Variants in LAMB3 observed in about 807,000 individuals in gnomAD.
The protein encoded by LAMB3 is laminin subunit beta 3.
A neutral mutation model predicts 140.3 loss-of-function variants in LAMB3; 104 were observed. That is an observed-to-expected ratio of 0.74 (90% CI 0.63 to 0.87). LAMB3 has a LOEUF of 0.87. LAMB3 is among the 40% of genes least tolerant of loss of function. The probability of loss-of-function intolerance (pLI) is 0.00; values close to 1 mark genes in which losing one functional copy is unlikely to be tolerated. For synonymous variants in LAMB3, 592 were observed against 602.9 expected (o/e 0.98, Z 0.26); for missense variants, 1,531 against 1,575.2 (o/e 0.97, Z 0.47).
intron 6 of LAMB3, among the ~76,000 whole-genome samples, chr1:209,633,550 C>T (rs909899741): frequency 7.4e-5 from 11 of 148,446 alleles, no homozygotes; most frequent in Non-Finnish European, 1.5e-4. Context: ...TTCAACTATG[C>T]TTTGATTTAT....
Position 209,625,740 on chromosome 1 carries a change from C to A in LAMB3, c.1884G>T (p.Lys628Asn), listed in dbSNP as rs770992053. ...CTGCTCGGATCTGCTCAATCTTACT[C>A]TTTGCATCTAGGATCCGGGAGGCCA... Reference protein sequence around the residue: ...RGLASRILDAKSKIEQIRAVL... With the variant: ...RGLASRILDANSKIEQIRAVL... Residue 628 changes from lysine to asparagine, a missense_variant, in exon 14 of 23, where the codon AAG becomes AAT. Transcript: ENST00000356082. The A allele has an allele frequency of 2.5e-6, 4 of 1,614,170 alleles. No individual in the cohort carries two copies. In the Admixed American group the frequency reaches 6.7e-5, roughly 27 times the overall value.
intron 3 of LAMB3, among the ~76,000 whole-genome samples, chr1:209,644,964 A>C (rs1352812197): frequency 6.6e-6 from 1 of 152,198 alleles, no homozygotes. Flanking sequence ...CCCCAGAAGC[A>C]ATGGAGTGAG....
chr1:209,618,374 C>A, intron 19 of LAMB3, 78 bp downstream of exon 19: 2 of 1,431,492 alleles, frequency 1.4e-6, no homozygotes, highest in South Asian at 2.4e-5. Flanking sequence ...CTCTGTACCC[C>A]TCTCCCAGCA....
chr1:209,633,477 G>A (rs999322393), intron 6 of LAMB3, among the ~76,000 whole-genome samples: 1 of 152,068 alleles, frequency 6.6e-6, no homozygotes, highest in African/African-American at 2.4e-5. Flanking sequence ...CAGGATGAGT[G>A]AGAAATCTAA....
At position 209,617,933 on chromosome 1, in the gene LAMB3, G is replaced by T; in HGVS notation, c.3025C>A (p.Arg1009=). ...TCAGCAACCCTGTCCTGGATAAGCC[G>T]AAGGGAGCGGCTGGTGCCTTGCATG... ...DTMQGTSRSL[R]LIQDRVAEVQ... Residue 1009 remains arginine, a synonymous_variant, in exon 20 of 23, where the codon CGG becomes AGG. Transcript: ENST00000356082. 3.7e-6 allele frequency: 6 copies of T among 1,614,202 alleles called. No homozygotes were observed. The highest frequency in any genetic ancestry group is 5.1e-6 in the Non-Finnish European group (6 of 1,180,044).
rs1571805041 is a variant in LAMB3 at position 209,623,108 on chromosome 1, A to G, written c.2430T>C (p.Asn810=). Residue 810 remains asparagine (N), a synonymous_variant, in exon 17 of 23, where the codon AAT becomes AAC. Transcript: ENST00000356082. This position sits in a 1 kb window ranked among gnomAD's most constrained non-coding sequence, Gnocchi z 4.2. ...TGCAGCGGGAGCCACAGGCTGTGCCATTGTCTTGGGGACATAGCTCACCAG... is the reference window on the plus strand; with the variant it reads ...TGCAGCGGGAGCCACAGGCTGTGCCGTTGTCTTGGGGACATAGCTCACCAG... ...SCPGELCPQD[N]GTACGSRCRG... is the part of the protein sequence containing the mutation. The G allele has an allele frequency of 6.2e-7, 1 of 1,614,170 alleles. No individual in the cohort carries two copies. The highest frequency in any genetic ancestry group is 1.7e-5 in the Admixed American group (1 of 60,026).
rs939457517 is a variant in LAMB3, at chr1:209,634,695, A to G, written c.373-57T>C. ...GGCACTGGGGCTGTGCCCCGTGGAG[A>G]CACAAGCAGAGAGACAGGCTCCTCC... is the stretch of plus-strand genomic sequence containing the variant. On this transcript the variant is annotated intron_variant, in intron 5 of 22. Transcript: ENST00000356082. 7 of 1,420,054 alleles carry G rather than the reference A, an allele frequency of 4.9e-6. No homozygotes were observed. In the Admixed American group the frequency reaches 5.6e-5, roughly 11 times the overall value. The allele number at this position is 1,420,054 out of a possible 1,614,324, so 88.0% of individuals were successfully genotyped here. A position where few individuals can be genotyped will look rare whatever the true frequency, so the allele number is the denominator to read the frequency against.
Position 209,623,364 on chromosome 1 carries a change from G to A in LAMB3, c.2358+141C>T. 2 of 1,017,458 alleles carry A rather than the reference G, an allele frequency of 2.0e-6. No individual in the cohort carries two copies. The highest frequency in any genetic ancestry group is 1.6e-5 in the African/African-American group (1 of 63,250). 63.0% of individuals were successfully genotyped at this position (1,017,458 alleles called of 1,614,324 possible). On this transcript the variant is annotated intron_variant, in intron 16 of 22. Transcript: ENST00000356082. The surrounding 1 kb of genome is among the most constrained non-coding windows in gnomAD (Gnocchi z 4.2). The stretch of plus-strand genomic sequence containing the variant: ...TTGGCAACCACTGAGCTCACAGTGA[G>A]CAGTACAAGGGTCGGGATGGCTGGG...
intron 1 of LAMB3, among the ~76,000 whole-genome samples, chr1:209,651,610 G>A (rs2076567025): frequency 6.6e-6 from 1 of 152,214 alleles, no homozygotes; most frequent in African/African-American, 2.4e-5. Flanking sequence ...TGAAAGGGAA[G>A]CAACCCAAAA....
intron 3 of LAMB3, among the ~76,000 whole-genome samples, chr1:209,645,665 G>A (rs1188001097): frequency 2.7e-5 from 4 of 150,056 alleles, no homozygotes; most frequent in South Asian, 4.2e-4. Flanking sequence ...GCTGTGAGCC[G>A]AGATCATGCC....
At position 209,625,956 on chromosome 1, in the gene LAMB3, G is replaced by A. The variant is rs777689673; in HGVS notation, c.1668C>T (p.Arg556=). ...CDKASGRCLC[R]PGLTGPRCDQ... is the part of the protein sequence containing the mutation. ...CACAGCGGGGCCCGGTCAAGCCAGG[G>A]CGGCAGAGGCAGCGGCCTGATGCCT... Residue 556 remains arginine (R), a synonymous_variant, in exon 14 of 23, where the codon CGC becomes CGT. Coordinates refer to ENST00000356082, the MANE Select transcript of LAMB3 (RefSeq NM_000228.3). The A allele has an allele frequency of 9.9e-6, 16 of 1,613,862 alleles. No individual in the cohort carries two copies. The highest frequency in any genetic ancestry group is 2.2e-5 in the South Asian group (2 of 91,064).
intron 12 of LAMB3, 81 bp from the exon 13 acceptor site, chr1:209,627,059 C>A (rs1666487394): frequency 9.5e-7 from 1 of 1,052,434 alleles, no homozygotes; most frequent in African/African-American, 1.6e-5. Flanking sequence ...GTCCTAGATT[C>A]CTGGTCCACA....
chr1:209,634,197 G>A lies in LAMB3; in HGVS notation c.564+250C>T, dbSNP rs75509432. Among the ~76,000 whole-genome samples the A allele has an allele frequency of 0.03, 4,498 of 152,154 alleles. 216 individuals carry two copies. The highest frequency in any genetic ancestry group is 0.1 in the African/African-American group (4,273 of 41,420). On this transcript the variant is annotated intron_variant, in intron 6 of 22. Coordinates refer to ENST00000356082, the MANE Select transcript of LAMB3 (RefSeq NM_000228.3). ...ATGAGTCACGGGGGAGGGGGCTGTG[G>A]AAGACGGCAGGGGTGAGTAATGCGG...
rs763906242 is a variant in LAMB3, at chr1:209,623,582, C to T, written c.2281G>A (p.Gly761Ser). The T allele has an allele frequency of 6.8e-6, 11 of 1,613,516 alleles. No homozygotes were observed. Among genetic ancestry groups the T allele is most frequent in the African/African-American group, 2.7e-5 (2 of 74,910 alleles). The change falls in exon 16 of 23, where the codon GGC (glycine) becomes AGC (serine). Residue 761 changes from glycine to serine, a missense_variant. Physicochemically the swap from Gly to Ser is moderately conservative, Grantham distance 56. Coordinates refer to ENST00000356082, the MANE Select transcript of LAMB3 (RefSeq NM_000228.3). This position sits in a 1 kb window ranked among gnomAD's most constrained non-coding sequence, Gnocchi z 4.2. ...GCCACAAGCTTGGGGCTGCCGGTGCCTCCTCCTCCTCCCGCCTGCCGCACC... is the reference window on the plus strand; with the variant it reads ...GCCACAAGCTTGGGGCTGCCGGTGCTTCCTCCTCCTCCCGCCTGCCGCACC... The part of the protein sequence containing the change: ...RLVRQAGGGG[G>S]TGSPKLVALR...
intron 20 of LAMB3, 139 bp downstream of exon 20, chr1:209,617,768 A>G: frequency 7.8e-7 from 1 of 1,287,226 alleles, no homozygotes; most frequent in Non-Finnish European, 1.1e-6. Flanking sequence ...CAAGGCCCAT[A>G]GCCTGCCCAA....
chr1:209,620,974 T>G (rs1299965527), intron 18 of LAMB3, among the ~76,000 whole-genome samples: 1 of 151,992 alleles, frequency 6.6e-6, no homozygotes, highest in Non-Finnish European at 1.5e-5. Flanking sequence ...CTACAGAAAA[T>G]TTTCCTGGGT....
chr1:209,622,446 G>A (rs547963419), intron 18 of LAMB3, 90 bp downstream of exon 18: 8 of 1,488,938 alleles, frequency 5.4e-6, no homozygotes, highest in Non-Finnish European at 7.4e-6. Context: ...CTGGGACTAG[G>A]GAGGGAGGGC....
rs762942741 is a variant in LAMB3 at position 209,630,684 on chromosome 1, G to A, written c.874C>T (p.Arg292Cys). The A allele has an allele frequency of 6.8e-6, 11 of 1,613,904 alleles. No homozygotes were observed. The highest frequency in any genetic ancestry group is 4.5e-5 in the East Asian group (2 of 44,872). The change falls in exon 9 of 23, where the codon CGC (arginine) becomes TGC (cysteine). Residue 292 changes from arginine to cysteine, a missense_variant. Physicochemically the swap from Arg to Cys is radical, Grantham distance 180. Transcript: ENST00000356082. ...QHNTAGPNCERCAPFYNNRPW... is the reference protein window; with the variant it reads ...QHNTAGPNCECCAPFYNNRPW... ...CGGTTGTTGTAGAAGGGTGCACAGC[G>A]CTCACAATTTGGGCCGGCAGTGTTG...
intron 3 of LAMB3, among the ~76,000 whole-genome samples, chr1:209,640,678 ACTGT>A (rs1479664855): frequency 3.3e-5 from 5 of 152,148 alleles, no homozygotes; most frequent in South Asian, 2.1e-4. Flanking sequence ...TTGCATATTT[ACTGT>A]CTATTTATTT....
Sources: gnomAD v4.1 joint callset for allele counts (sites outside exome capture counted in the v4.1 genomes callset) on GRCh38, gnomAD v4.1.1 for gene constraint, Gnocchi (gnomAD v3.1) non-coding constraint, MANE v1.5 for transcripts, NCBI Gene and HGNC (gene_info 2026-07-23, HGNC 2026-07-21) for gene names.